PI15: variants seen among roughly 807,000 people sequenced by gnomAD.
PI15 encodes 25 kDa trypsin inhibitor.
In PI15, 18 loss-of-function variants were observed where a neutral mutation model predicts 31.0. The ratio of observed to expected loss-of-function variants is 0.58; its 90% CI spans 0.40 to 0.86. The LOEUF is 0.86. Among genes scored for constraint, PI15 ranks in the 40% least tolerant of loss-of-function variants. The probability of loss-of-function intolerance (pLI) is 0.00; values close to 1 mark genes in which losing one functional copy is unlikely to be tolerated. For synonymous variants in PI15, 118 were observed against 119.1 expected (o/e 0.99, Z 0.06); for missense variants, 282 against 328.1 (o/e 0.86, Z 1.09).
chr8:74,844,966 A>C, intron 3 of PI15, 162 bp from the exon 4 acceptor site: 1 of 623,156 alleles, frequency 1.6e-6, no homozygotes, highest in Non-Finnish European at 2.8e-6. Context: ...AGTTGGAGGA[A>C]TAGAGGACCC....
intron 2 of PI15, 61 bp from the exon 3 acceptor site, chr8:74,843,920 G>T: frequency 1.2e-6 from 1 of 821,880 alleles, no homozygotes; most frequent in Admixed American, 1.7e-5. Context: ...CATTTATTTT[G>T]TCTTACTTTT....
rs1338087661 is a variant in PI15, at chr8:74,844,094, T to C, written c.387T>C (p.Thr129=). 2.9e-6 allele frequency: 4 copies of C among 1,368,534 alleles called. No individual in the cohort carries two copies. The highest frequency in any genetic ancestry group is 3.3e-5 in the Admixed American group (2 of 59,724). The allele number at this position is 1,368,534 out of a possible 1,614,324, so 84.8% of individuals were successfully genotyped here. The change falls in exon 3 of 6, where the codon ACT becomes ACC. Residue 129 remains threonine, a synonymous_variant. Transcript: ENST00000260113. ...RFLGQNLSVR[T]GRYRSILQLV... ...TGGGCCAAAATCTATCTGTACGCAC[T>C]GGAAGGTAGGAAGTAATTTCACTGA...
chr8:74,824,554 G>A lies in PI15; in HGVS notation c.-162G>A, dbSNP rs1810664017. ...TAGCCAGCAGCATTCAAACCTTGCA[G>A]AGCTTTGCTCTCAGAGAGTTTGTAA... On this transcript the variant is annotated 5_prime_UTR_variant, in exon 1 of 6. Transcript: ENST00000260113. The A allele has an allele frequency of 6.6e-6, 1 of 152,132 alleles. No homozygotes were observed. Among genetic ancestry groups the A allele is most frequent in the Non-Finnish European group, 1.5e-5 (1 of 68,034 alleles). The allele number at this position is 152,132 out of a possible 1,614,324, so 9.4% of individuals were successfully genotyped here.
intron 2 of PI15, among the ~76,000 whole-genome samples, chr8:74,831,271 A>T (rs1304159318): frequency 2.6e-5 from 4 of 152,208 alleles, no homozygotes; most frequent in Non-Finnish European, 5.9e-5. Flanking sequence ...ATAGGTGGTG[A>T]CTGTACTTCC....
chr8:74,825,967 G>A (rs533350164), intron 2 of PI15, among the ~76,000 whole-genome samples: 2 of 152,174 alleles, frequency 1.3e-5, no homozygotes, highest in East Asian at 3.9e-4. Flanking sequence ...TCATATGCAT[G>A]ATTTATTCTC....
At chr8:74,839,113 A>C (rs1810910050) in intron 2 of PI15, among the ~76,000 whole-genome samples, 1 of 152,152 alleles carries the variant, frequency 6.6e-6, no homozygotes, top group African/African-American at 2.4e-5. Context: ...CATTCTTTTC[A>C]TATTCCTTCT....
intron 2 of PI15, among the ~76,000 whole-genome samples, chr8:74,837,587 A>G (rs1032790602): frequency 6.6e-6 from 1 of 152,148 alleles, no homozygotes; most frequent in Non-Finnish European, 1.5e-5. Context: ...GCATCACTTA[A>G]TTTTTTAATG....
At chr8:74,833,334 T>A (rs746415572) in intron 2 of PI15, among the ~76,000 whole-genome samples, 1 of 152,142 alleles carries the variant, frequency 6.6e-6, no homozygotes, top group Non-Finnish European at 1.5e-5. Flanking sequence ...TCTACAGAGA[T>A]GAATTAATAT....
At chr8:74,827,374 C>T (rs1189907231) in intron 2 of PI15, among the ~76,000 whole-genome samples, 1 of 152,088 alleles carries the variant, frequency 6.6e-6, no homozygotes, top group Admixed American at 6.6e-5. Flanking sequence ...TGAAAAAAGC[C>T]ACATTTTTTC....
rs529918139 is a variant in PI15 at position 74,846,395 on chromosome 8, T to TA, written c.641+905dup. On this transcript the variant is annotated intron_variant, in intron 5 of 5. Coordinates refer to ENST00000260113, the MANE Select transcript of PI15 (RefSeq NM_015886.5). ...GGAAAGTAGACTGTGTCTGCATTAT[T>TA]AAAAAAAGCATTAAAATTTTACATT... Among the ~76,000 whole-genome samples the TA allele has an allele frequency of 2.3e-3, 344 of 152,246 alleles. 2 individuals carry two copies. Among genetic ancestry groups the TA allele is most frequent in the African/African-American group, 7.0e-3 (290 of 41,546 alleles).
At position 74,850,535 on chromosome 8, in the gene PI15, C is replaced by T. The variant is rs1289323058; in HGVS notation, c.*1282C>T. On this transcript the variant is annotated 3_prime_UTR_variant, in exon 6 of 6. Transcript: ENST00000260113. The stretch of plus-strand genomic sequence containing the variant: ...TCTGTCATTGAATCAATCTACTTAT[C>T]ATCTTGGGTCTTTGAGTATTGTATG... The T allele has an allele frequency of 1.3e-5, 2 of 152,138 alleles. No homozygotes were observed. The highest frequency in any genetic ancestry group is 2.9e-5 in the Non-Finnish European group (2 of 68,014). 9.4% of individuals were successfully genotyped at this position (152,138 alleles called of 1,614,324 possible).
chr8:74,825,194 C>A lies in PI15; in HGVS notation c.-40-16C>A, dbSNP rs926915579. On this transcript the variant is annotated splice_polypyrimidine_tract_variant and intron_variant, in intron 1 of 5. Coordinates refer to ENST00000260113, the MANE Select transcript of PI15 (RefSeq NM_015886.5). ...TTTTTTTTCATAGACCCTAACTCTA[C>A]CTTTCTGCTTTAAAGCAAAGTAAAC... The A allele has an allele frequency of 1.0e-5, 16 of 1,538,884 alleles. No homozygotes were observed. The African/African-American group carries it at 1.4e-4, about 13-fold the overall frequency.
intron 2 of PI15, among the ~76,000 whole-genome samples, chr8:74,829,775 C>A (rs755707605): frequency 6.6e-6 from 1 of 151,832 alleles, no homozygotes; most frequent in Admixed American, 6.6e-5. Flanking sequence ...AAGAAGGGAG[C>A]GATAATCTCT....
At chr8:74,844,390 C>T (rs1008960902) in intron 3 of PI15, among the ~76,000 whole-genome samples, 5 of 151,758 alleles carry the variant, frequency 3.3e-5, no homozygotes, top group African/African-American at 1.2e-4. Context: ...ATCTTGCCCC[C>T]TCCATCTCAG....
At chr8:74,826,680 G>T (rs894579332) in intron 2 of PI15, among the ~76,000 whole-genome samples, 2 of 151,976 alleles carry the variant, frequency 1.3e-5, no homozygotes, top group Admixed American at 6.6e-5. Flanking sequence ...TAAATGCTTG[G>T]GTTTGAATCC....
chr8:74,825,916 G>T (rs1810692585), intron 2 of PI15, among the ~76,000 whole-genome samples: 2 of 152,078 alleles, frequency 1.3e-5, no homozygotes, highest in South Asian at 4.1e-4. Context: ...ATATTTATCA[G>T]CTATATCATT....
At chr8:74,825,024 C>T (rs1810671209) in intron 1 of PI15, 186 bp from the exon 2 acceptor site, 1 of 598,698 alleles carries the variant, frequency 1.7e-6, no homozygotes, top group African/African-American at 1.8e-5. Flanking sequence ...TAGGGGTCTG[C>T]CTCATGACAC....
intron 2 of PI15, among the ~76,000 whole-genome samples, chr8:74,841,697 A>G (rs1810948622): frequency 6.6e-6 from 1 of 152,228 alleles, no homozygotes; most frequent in Non-Finnish European, 1.5e-5. Context: ...TCCTGTATAA[A>G]TTAATTGTAA....
chr8:74,824,917 A>G (rs1810669824), intron 1 of PI15: 1 of 255,860 alleles, frequency 3.9e-6, no homozygotes, highest in South Asian at 8.5e-5. Flanking sequence ...ATGCAGTAAT[A>G]TATTTTGTGG....
Sources: gnomAD v4.1 joint callset for allele counts (sites outside exome capture counted in the v4.1 genomes callset) on GRCh38, gnomAD v4.1.1 for gene constraint, MANE v1.5 for transcripts, NCBI Gene and HGNC (gene_info 2026-07-23, HGNC 2026-07-21) for gene names.